Variants in ATP2C2 observed in about 807,000 individuals in gnomAD.
The protein encoded by ATP2C2 is calcium-transporting ATPase type 2C member 2.
A neutral mutation model predicts 110.8 loss-of-function variants in ATP2C2; 171 were observed. That is an observed-to-expected ratio of 1.54 (90% CI 1.36 to 1.75). ATP2C2 has a LOEUF of 1.75. Ranked by LOEUF, ATP2C2 falls within the 40% of genes most tolerant of loss-of-function variation. The pLI, the probability that ATP2C2 is intolerant of heterozygous loss-of-function variation, is 0.00. For missense variants in ATP2C2, 1,963 were observed against 1,235.0 expected (o/e 1.59, Z -8.84); for synonymous variants, 804 against 508.4 (o/e 1.58, Z -7.82).
chr16:84,378,525 G>T (rs777051944), intron 1 of ATP2C2, among the ~76,000 whole-genome samples: 4 of 152,116 alleles, frequency 2.6e-5, no homozygotes, highest in Non-Finnish European at 5.9e-5. Context: ...CCCTCACTAC[G>T]CCTCCCTCAG....
At position 84,459,259 on chromosome 16, in the gene ATP2C2, G is replaced by C; in HGVS notation, c.2217-11G>C. The C allele has an allele frequency of 6.2e-7, 1 of 1,614,130 alleles. No homozygotes were observed. Among genetic ancestry groups the C allele is most frequent in the Non-Finnish European group, 8.5e-7 (1 of 1,179,968 alleles). Reference sequence around the variant, plus strand: ...GCGGGCGGCCGCTGACTGGCTGCGTGTGCCCCGCAGGAGCATCTCCGCCCT... The same window carrying C: ...GCGGGCGGCCGCTGACTGGCTGCGTCTGCCCCGCAGGAGCATCTCCGCCCT... On this transcript the variant is annotated splice_polypyrimidine_tract_variant and intron_variant, in intron 22 of 26. Transcript: ENST00000262429.
At chr16:84,424,337 G>C (rs966065575) in intron 10 of ATP2C2, among the ~76,000 whole-genome samples, 2 of 152,158 alleles carry the variant, frequency 1.3e-5, no homozygotes, top group Non-Finnish European at 2.9e-5. Context: ...GGAGAGCAGT[G>C]GCGTGATCTC....
At position 84,459,188 on chromosome 16, in the gene ATP2C2, C is replaced by A. The variant is rs373240687; in HGVS notation, c.2216C>A (p.Thr739Lys). 1.9e-6 allele frequency: 3 copies of A among 1,614,102 alleles called. No individual in the cohort carries two copies. Among genetic ancestry groups the A allele is most frequent in the African/African-American group, 1.3e-5 (1 of 74,942 alleles). Residue 739 changes from threonine (T) to lysine (K), a missense_variant and splice_region_variant, in exon 22 of 27, where the codon ACG (threonine) becomes AAG (lysine). By Grantham distance (78) the Thr-to-Lys change is moderately conservative (BLOSUM62 -1). Transcript: ENST00000262429. ...IKNFVRFQLS[T>K]SISALSLITL... The stretch of plus-strand genomic sequence containing the variant: ...AACTTTGTCCGATTCCAGCTGAGCA[C>A]GTAAGTAGAGGCCAGCATTCCGAGT...
chr16:84,390,004 T>G (rs1904556212), intron 1 of ATP2C2, among the ~76,000 whole-genome samples: 1 of 152,198 alleles, frequency 6.6e-6, no homozygotes, highest in Non-Finnish European at 1.5e-5. Flanking sequence ...ATTACAGGCC[T>G]GAGCCACCAT....
At chr16:84,391,869 A>T (rs1904682447) in intron 1 of ATP2C2, among the ~76,000 whole-genome samples, 1 of 151,726 alleles carries the variant, frequency 6.6e-6, no homozygotes, top group Admixed American at 6.6e-5. Flanking sequence ...AAGTTCTTTT[A>T]TGTGACTCCC....
chr16:84,459,772 A>C, intron 23 of ATP2C2: 1 of 581,036 alleles, frequency 1.7e-6, no homozygotes, highest in Non-Finnish European at 3.0e-6. Flanking sequence ...ATACACACAG[A>C]CACACTTTTC....
intron 11 of ATP2C2, among the ~76,000 whole-genome samples, chr16:84,437,571 A>G (rs1016383194): frequency 3.9e-5 from 6 of 152,114 alleles, no homozygotes; most frequent in African/African-American, 1.4e-4. Flanking sequence ...GCTGGAGCGC[A>G]GTGGCGCAGT....
chr16:84,422,184 A>T (rs886297533), intron 7 of ATP2C2, among the ~76,000 whole-genome samples: 4 of 152,054 alleles, frequency 2.6e-5, no homozygotes, highest in Admixed American at 2.6e-4. Context: ...CAAAGATATG[A>T]GACTTTTATG....
chr16:84,382,316 C>T (rs1476821270), intron 1 of ATP2C2, among the ~76,000 whole-genome samples: 1 of 152,208 alleles, frequency 6.6e-6, no homozygotes, highest in Non-Finnish European at 1.5e-5. Context: ...GACACGAACT[C>T]ATCCTTTTTT....
intron 1 of ATP2C2, among the ~76,000 whole-genome samples, chr16:84,370,380 C>T (rs1909882162): frequency 6.6e-6 from 1 of 152,188 alleles, no homozygotes; most frequent in Admixed American, 6.5e-5. Flanking sequence ...CCAGCACTGA[C>T]ACCAAAGGCC....
At chr16:84,397,655 C>CAAAAAAAAGAAAAAAAA (rs1905071074) in intron 1 of ATP2C2, among the ~76,000 whole-genome samples, 1 of 63,512 alleles carries the variant, frequency 1.6e-5, no homozygotes, top group African/African-American at 4.4e-5. Flanking sequence ...GCCTGGGTGA[C>CAAAAAAAAGAAAAAAAA]AAAAAAAAAA....
chr16:84,455,718 G>GT (rs1306310835), intron 21 of ATP2C2, among the ~76,000 whole-genome samples: 2 of 149,522 alleles, frequency 1.3e-5, no homozygotes, highest in Non-Finnish European at 3.0e-5. Context: ...TGTCTCCACA[G>GT]TTGATTCGCC....
chr16:84,454,795 T>C lies in ATP2C2; in HGVS notation c.1981-23T>C, dbSNP rs538020237. The C allele has an allele frequency of 3.2e-6, 5 of 1,563,490 alleles. No homozygotes were observed. In the East Asian group the frequency reaches 1.2e-4, roughly 36 times the overall value. Reference sequence around the variant, plus strand: ...GGAGGTGGTCGTCAGGCTGCAGGCCTTCATTGCCTGCTCTTTCCAAAGGCT... The same window carrying C: ...GGAGGTGGTCGTCAGGCTGCAGGCCCTCATTGCCTGCTCTTTCCAAAGGCT... On this transcript the variant is annotated intron_variant, in intron 20 of 26. Transcript: ENST00000262429.
chr16:84,405,419 G>A (rs552433357), intron 3 of ATP2C2, among the ~76,000 whole-genome samples, 175 bp downstream of exon 3: 23 of 152,168 alleles, frequency 1.5e-4, no homozygotes, highest in African/African-American at 1.9e-4. Flanking sequence ...CCAGGCAACC[G>A]CGATCAGGAA....
chr16:84,442,720 A>G, intron 15 of ATP2C2, 121 bp downstream of exon 15: 2 of 979,954 alleles, frequency 2.0e-6, no homozygotes, highest in South Asian at 2.7e-5. Context: ...ATGGAAGAAA[A>G]TGGCCCACAC....
chr16:84,394,717 C>T (rs1904867700), intron 1 of ATP2C2, among the ~76,000 whole-genome samples: 4 of 152,102 alleles, frequency 2.6e-5, no homozygotes, highest in Admixed American at 2.6e-4. Flanking sequence ...CATTCATTGA[C>T]CGATGGACAC....
intron 1 of ATP2C2, 143 bp downstream of exon 1, chr16:84,368,857 C>T (rs559901303): frequency 1.4e-6 from 1 of 727,846 alleles, no homozygotes; most frequent in South Asian, 1.9e-5. Flanking sequence ...AAGCTGTCCT[C>T]ACAGCAACCG....
At chr16:84,453,425 CTG>C (rs1427592728) in intron 20 of ATP2C2, 54 bp downstream of exon 20, 6 of 1,606,984 alleles carry the variant, frequency 3.7e-6, no homozygotes, top group Admixed American at 3.3e-5. Flanking sequence ...GCCAGAGACA[CTG>C]TGGCTCGAGG....
chr16:84,406,734 T>C, intron 3 of ATP2C2: 9 of 829,050 alleles, frequency 1.1e-5, no homozygotes, highest in Non-Finnish European at 1.3e-5. Context: ...GAAGTTGGGG[T>C]TCAGGGAAGG....
Sources: gnomAD v4.1 joint callset for allele counts (sites outside exome capture counted in the v4.1 genomes callset) on GRCh38, gnomAD v4.1.1 for gene constraint, MANE v1.5 for transcripts, NCBI Gene and HGNC (gene_info 2026-07-23, HGNC 2026-07-21) for gene names.